Variants in TBC1D22A observed in about 807,000 individuals in gnomAD.
The protein encoded by TBC1D22A is TBC1 domain family member 22A, also known as putative GTPase activator.
A neutral mutation model predicts 60.2 loss-of-function variants in TBC1D22A; 38 were observed. The observed-to-expected ratio is 0.63, with a 90% confidence interval of 0.49 to 0.83. The LOEUF (loss-of-function observed/expected upper bound fraction) is 0.83. Ranked by LOEUF, TBC1D22A falls within the 40% of genes least tolerant of loss-of-function variation. The pLI is 0.00. For synonymous variants in TBC1D22A, 302 were observed against 281.7 expected (o/e 1.07, Z -0.72); for missense variants, 628 against 701.0 (o/e 0.90, Z 1.18).
At chr22:47,051,474 T>C (rs16996234) in intron 11 of TBC1D22A, among the ~76,000 whole-genome samples, 6,603 of 152,248 alleles carry the variant, frequency 0.043, 193 homozygotes, top group Admixed American at 0.088. Context: ...CTTGCTTCAA[T>C]GCGGACCCTG....
intron 9 of TBC1D22A, among the ~76,000 whole-genome samples, chr22:46,992,544 G>T (rs2074984543): frequency 6.6e-6 from 1 of 152,370 alleles, no homozygotes; most frequent in East Asian, 1.9e-4. Flanking sequence ...CCGGGGACCG[G>T]CCTTGCAAGC....
intron 4 of TBC1D22A, among the ~76,000 whole-genome samples, chr22:46,835,152 T>C (rs2147178214): frequency 6.6e-6 from 1 of 152,300 alleles, no homozygotes; most frequent in East Asian, 1.9e-4. Flanking sequence ...CTGAAGCCAG[T>C]CAGTAAAGAC....
intron 4 of TBC1D22A, among the ~76,000 whole-genome samples, chr22:46,806,153 C>T (rs973231585): frequency 2.0e-5 from 3 of 152,148 alleles, no homozygotes; most frequent in African/African-American, 4.8e-5. Flanking sequence ...GCCCGGCCTC[C>T]AACCCTCTTA....
Position 46,944,600 on chromosome 22 carries a change from G to A in TBC1D22A, c.1016-29690G>A, listed in dbSNP as rs375337909. ...TTTTTAGTAGAGATGGGGTTTCACC[G>A]TGTTAGCCAGGATGGTCTTGATCTC... On this transcript the variant is annotated intron_variant, in intron 8 of 12. Transcript: ENST00000337137. Among the ~76,000 whole-genome samples the A allele has an allele frequency of 1.8e-3, 273 of 152,250 alleles. 2 individuals are homozygous for A. Among genetic ancestry groups the A allele is most frequent in the East Asian group, 3.3e-3 (17 of 5,172 alleles).
rs2068263036 is a variant in TBC1D22A at position 46,889,057 on chromosome 22, C to T, written c.709-2209C>T. ...ACACTAATTATAAAAGAAAAACTATCAACTGGACTTCATGAAACTTTAAGA... is the reference window on the plus strand; with the variant it reads ...ACACTAATTATAAAAGAAAAACTATTAACTGGACTTCATGAAACTTTAAGA... On this transcript the variant is annotated intron_variant, in intron 5 of 12. Coordinates refer to ENST00000337137, the MANE Select transcript of TBC1D22A (RefSeq NM_014346.5). 2.0e-5 allele frequency among the ~76,000 whole-genome samples: 3 copies of T among 152,154 alleles called. No individual in the cohort carries two copies. In the South Asian group the frequency reaches 6.2e-4, roughly 32 times the overall value.
At chr22:46,842,195 C>A (rs1366234079) in intron 4 of TBC1D22A, among the ~76,000 whole-genome samples, 1 of 152,204 alleles carries the variant, frequency 6.6e-6, no homozygotes, top group Non-Finnish European at 1.5e-5. Context: ...GCATGAAGAA[C>A]CCAGAGCTGA....
intron 9 of TBC1D22A, among the ~76,000 whole-genome samples, chr22:46,987,948 A>G (rs2074790557): frequency 6.6e-6 from 1 of 152,208 alleles, no homozygotes; most frequent in South Asian, 2.1e-4. Flanking sequence ...CCACTGCTTT[A>G]TCAACTAGGC....
At chr22:46,998,392 T>C (rs1023176071) in intron 10 of TBC1D22A, among the ~76,000 whole-genome samples, 4 of 152,176 alleles carry the variant, frequency 2.6e-5, no homozygotes, top group African/African-American at 7.2e-5. Context: ...ACCGGGCATG[T>C]ATTTGTGATA....
chr22:47,020,156 C>T (rs1006277022), intron 10 of TBC1D22A, among the ~76,000 whole-genome samples: 2 of 152,210 alleles, frequency 1.3e-5, no homozygotes, highest in Non-Finnish European at 2.9e-5. Context: ...GATTTCATGT[C>T]GTCATGAGCT....
intron 11 of TBC1D22A, among the ~76,000 whole-genome samples, chr22:47,065,157 G>C (rs1412337303): frequency 3.3e-5 from 5 of 151,972 alleles, no homozygotes; most frequent in Admixed American, 6.6e-5. Context: ...CAACACGCCC[G>C]GCTAATTTTT....
At chr22:46,921,896 G>T (rs2147846481) in intron 8 of TBC1D22A, among the ~76,000 whole-genome samples, 1 of 152,230 alleles carries the variant, frequency 6.6e-6, no homozygotes, top group South Asian at 2.1e-4. Flanking sequence ...TTAGTGTAAT[G>T]AAGTCCCATT....
At position 46,778,967 on chromosome 22, in the gene TBC1D22A, C is replaced by G. The variant is rs1160355342; in HGVS notation, c.63-13553C>G. On this transcript the variant is annotated intron_variant, in intron 1 of 12. Transcript: ENST00000337137. Reference sequence around the variant, plus strand: ...TCTGAGGCAGGAGAATCGCTTGTACCCTGGAGGCAGAGGCTGCAGTGAGTC... The same window carrying G: ...TCTGAGGCAGGAGAATCGCTTGTACGCTGGAGGCAGAGGCTGCAGTGAGTC... 2.6e-5 allele frequency among the ~76,000 whole-genome samples: 4 copies of G among 152,052 alleles called. No individual in the cohort carries two copies. The East Asian group carries it at 7.7e-4, about 29-fold the overall frequency.
chr22:47,138,832 G>A (rs548317460), intron 12 of TBC1D22A, among the ~76,000 whole-genome samples: 24 of 152,194 alleles, frequency 1.6e-4, no homozygotes, highest in African/African-American at 5.1e-4. Flanking sequence ...GTCCTCACAC[G>A]GTGGAACAGG....
chr22:47,062,580 C>A (rs986577305), intron 11 of TBC1D22A, among the ~76,000 whole-genome samples: 1 of 152,046 alleles, frequency 6.6e-6, no homozygotes, highest in East Asian at 1.9e-4. Flanking sequence ...GCGTGAGTGC[C>A]GTAGTGACTT....
At chr22:47,012,320 C>G (rs1005932324) in intron 10 of TBC1D22A, among the ~76,000 whole-genome samples, 33 of 152,126 alleles carry the variant, frequency 2.2e-4, no homozygotes, top group Admixed American at 2.2e-3. Context: ...GGCTCACATC[C>G]CCCCAGCCCT....
At chr22:47,098,054 G>A (rs1267885922) in intron 11 of TBC1D22A, among the ~76,000 whole-genome samples, 1 of 151,492 alleles carries the variant, frequency 6.6e-6, no homozygotes, top group Non-Finnish European at 1.5e-5. Flanking sequence ...TTTACTGGAC[G>A]TAGTAAAGAA....
intron 4 of TBC1D22A, among the ~76,000 whole-genome samples, chr22:46,866,283 T>C (rs2067050193): frequency 6.6e-6 from 1 of 152,146 alleles, no homozygotes; most frequent in Admixed American, 6.5e-5. Flanking sequence ...TTTTGTATTT[T>C]AGTAGAGATG....
intron 11 of TBC1D22A, among the ~76,000 whole-genome samples, chr22:47,038,177 A>C (rs906811739): frequency 6.6e-6 from 1 of 152,214 alleles, no homozygotes; most frequent in South Asian, 2.1e-4. Flanking sequence ...TTAGGAATCA[A>C]ATCTCTACAG....
intron 8 of TBC1D22A, among the ~76,000 whole-genome samples, chr22:46,933,881 G>A (rs1484634274): frequency 6.6e-6 from 1 of 152,232 alleles, no homozygotes; most frequent in Non-Finnish European, 1.5e-5. Flanking sequence ...CAGAGGTGGG[G>A]ACAGGGGTGT....
Sources: gnomAD v4.1 joint callset for allele counts (sites outside exome capture counted in the v4.1 genomes callset) on GRCh38, gnomAD v4.1.1 for gene constraint, MANE v1.5 for transcripts, NCBI Gene and HGNC (gene_info 2026-07-23, HGNC 2026-07-21) for gene names.